KCNQ3: variants seen among roughly 807,000 people sequenced by gnomAD.
The protein encoded by KCNQ3 is potassium voltage-gated channel subfamily KQT member 3.
KCNQ3 carries 30 observed loss-of-function variants against 92.5 expected under a neutral mutation model. The observed-to-expected ratio is 0.32, with a 90% CI of 0.24 to 0.44. The LOEUF (loss-of-function observed/expected upper bound fraction) is 0.44, where lower values mean the gene tolerates loss of function less well. Among genes scored for constraint, KCNQ3 ranks in the 20% least tolerant of loss-of-function variants. The pLI is 1.00. For missense variants in KCNQ3, 913 were observed against 1,140.3 expected (o/e 0.80, Z 2.87); for synonymous variants, 450 against 468.8 (o/e 0.96, Z 0.52).
chr8:132,301,685 T>C (rs1438799372), intron 1 of KCNQ3, among the ~76,000 whole-genome samples: 1 of 152,048 alleles, frequency 6.6e-6, no homozygotes, highest in Non-Finnish European at 1.5e-5. Flanking sequence ...ATCCCCCAGA[T>C]TCTGCCCTGA....
chr8:132,368,753 GT>G (rs1819391472), intron 1 of KCNQ3, among the ~76,000 whole-genome samples: 1 of 152,196 alleles, frequency 6.6e-6, no homozygotes. Flanking sequence ...GTTTACACTA[GT>G]TTTAGAGTAA....
intron 1 of KCNQ3, among the ~76,000 whole-genome samples, chr8:132,316,613 T>C (rs540327970): frequency 1.3e-5 from 2 of 152,356 alleles, no homozygotes; most frequent in Non-Finnish European, 2.9e-5. Flanking sequence ...ATGGGATCAT[T>C]GAGCCCAAGA....
intron 9 of KCNQ3, among the ~76,000 whole-genome samples, chr8:132,150,972 CATT>C (rs3048521): frequency 0.46 from 70,490 of 151,768 alleles, 16,482 homozygotes; most frequent in African/African-American, 0.52. Context: ...AAAATAAAAA[CATT>C]ATTGTTGGTT....
At chr8:132,228,055 T>C (rs1814490702) in intron 1 of KCNQ3, among the ~76,000 whole-genome samples, 2 of 152,166 alleles carry the variant, frequency 1.3e-5, no homozygotes, top group Non-Finnish European at 2.9e-5. Flanking sequence ...TAACTTGCTT[T>C]TGATGAAAAG....
intron 1 of KCNQ3, among the ~76,000 whole-genome samples, chr8:132,361,191 G>A (rs7017579): frequency 0.011 from 1,746 of 152,286 alleles, 16 homozygotes; most frequent in Non-Finnish European, 0.02. Context: ...CCAGACCCCT[G>A]ACCACTTTCC....
At chr8:132,154,684 C>A (rs1198977092) in intron 9 of KCNQ3, among the ~76,000 whole-genome samples, 1 of 152,160 alleles carries the variant, frequency 6.6e-6, no homozygotes, top group Non-Finnish European at 1.5e-5. Context: ...CCTGGCCTCT[C>A]CTGTTCCTAG....
rs547518912 is a variant in KCNQ3, at chr8:132,249,687, A to G, written c.387-63506T>C. ...CCTCAGCTGTTGGGCAGTCGACGGG[A>G]CTGGGCACCGCAGAGCAGGGGGCGG... On this transcript the variant is annotated intron_variant, in intron 1 of 14. Transcript: ENST00000388996. Among the ~76,000 whole-genome samples, 3 of 152,288 alleles carry G rather than the reference A, an allele frequency of 2.0e-5. No individual in the cohort carries two copies. The South Asian group carries it at 6.2e-4, about 32-fold the overall frequency.
chr8:132,173,436 T>G (rs1826447507), intron 6 of KCNQ3, among the ~76,000 whole-genome samples: 1 of 152,230 alleles, frequency 6.6e-6, no homozygotes, highest in Admixed American at 6.5e-5. Flanking sequence ...AGGGAGATTG[T>G]TACTTAAAAG....
intron 1 of KCNQ3, among the ~76,000 whole-genome samples, chr8:132,341,765 TG>T (rs1735500497): frequency 6.6e-6 from 1 of 152,108 alleles, no homozygotes; most frequent in Non-Finnish European, 1.5e-5. Context: ...TAGAAACCTG[TG>T]GAAAAAAGAG....
At chr8:132,230,365 G>A (rs941660312) in intron 1 of KCNQ3, among the ~76,000 whole-genome samples, 2 of 151,786 alleles carry the variant, frequency 1.3e-5, no homozygotes, top group Non-Finnish European at 2.9e-5. Context: ...ACACCCAGCT[G>A]ACATTCATTT....
chr8:132,362,611 C>G (rs1819202613), intron 1 of KCNQ3, among the ~76,000 whole-genome samples: 1 of 152,196 alleles, frequency 6.6e-6, no homozygotes, highest in Non-Finnish European at 1.5e-5. Flanking sequence ...CCTCAGAAGG[C>G]TCTGCTGAAC....
intron 1 of KCNQ3, among the ~76,000 whole-genome samples, chr8:132,297,542 C>T (rs1414991422): frequency 6.6e-6 from 1 of 152,144 alleles, no homozygotes; most frequent in East Asian, 1.9e-4. Flanking sequence ...GCCTTTCCCA[C>T]TACAGCACAA....
chr8:132,183,889 G>A (rs1218059757), intron 3 of KCNQ3, among the ~76,000 whole-genome samples: 1 of 152,188 alleles, frequency 6.6e-6, no homozygotes, highest in African/African-American at 2.4e-5. Flanking sequence ...AAATGTATGG[G>A]TAACTTTGAT....
rs144291356 is a variant in KCNQ3, at chr8:132,272,655, G to A, written c.387-86474C>T. Among the ~76,000 whole-genome samples the A allele has an allele frequency of 6.6e-5, 10 of 152,216 alleles. No individual in the cohort carries two copies. The East Asian group carries it at 1.9e-3, about 30-fold the overall frequency. On this transcript the variant is annotated intron_variant, in intron 1 of 14. Coordinates refer to ENST00000388996, the MANE Select transcript of KCNQ3 (RefSeq NM_004519.4). The stretch of plus-strand genomic sequence containing the variant: ...GCAAAGAGAGAGAGCTTGTGCAGGG[G>A]AACTCCTCTTTTGAAAGCCATCAGA...
chr8:132,311,440 T>C (rs1364897167), intron 1 of KCNQ3, among the ~76,000 whole-genome samples: 1 of 152,146 alleles, frequency 6.6e-6, no homozygotes, highest in South Asian at 2.1e-4. Context: ...GTGTAAACCG[T>C]CCTTAAGGAA....
intron 1 of KCNQ3, among the ~76,000 whole-genome samples, chr8:132,290,430 G>A (rs771264860): frequency 3.9e-5 from 6 of 152,142 alleles, no homozygotes; most frequent in Non-Finnish European, 7.3e-5. Flanking sequence ...AGAGGGTTAG[G>A]GAAAAGGGTG....
intron 1 of KCNQ3, among the ~76,000 whole-genome samples, chr8:132,280,025 A>AC (rs1276073769): frequency 6.6e-6 from 1 of 152,222 alleles, no homozygotes; most frequent in Non-Finnish European, 1.5e-5. Context: ...TCAACTTATG[A>AC]CAGACCCTCT....
intron 1 of KCNQ3, among the ~76,000 whole-genome samples, chr8:132,348,215 A>C (rs1471422873): frequency 6.6e-6 from 1 of 152,144 alleles, no homozygotes; most frequent in Admixed American, 6.5e-5. Context: ...TAATGAAAAA[A>C]AAAATGCTGC....
chr8:132,157,598 G>GC (rs145507840), intron 9 of KCNQ3, among the ~76,000 whole-genome samples: 2,529 of 152,220 alleles, frequency 0.017, 79 homozygotes, highest in African/African-American at 0.059. Context: ...GAGGAGTGTT[G>GC]CCCCCAGAGC....
Sources: allele counts gnomAD v4.1 joint callset (sites outside exome capture counted in the v4.1 genomes callset), GRCh38; gene constraint gnomAD v4.1.1; transcripts MANE v1.5; gene names NCBI Gene and HGNC (gene_info 2026-07-23, HGNC 2026-07-21).